The following OR4K2 variants were observed in gnomAD, a reference collection of about 807,000 sequenced individuals.
OR4K2 encodes olfactory receptor 4K2.
A neutral mutation model predicts 10.5 loss-of-function variants in OR4K2; 8 were observed. The ratio of observed to expected loss-of-function variants is 0.76; its 90% CI spans 0.45 to 1.37. OR4K2 has a LOEUF of 1.37. OR4K2 is among the 40% of genes most tolerant of loss of function. The pLI, the probability that OR4K2 is intolerant of heterozygous loss-of-function variation, is 0.00. For missense variants in OR4K2, 547 were observed against 379.5 expected (o/e 1.44, Z -3.67); for synonymous variants, 178 against 133.6 (o/e 1.33, Z -2.29).
Position 19,881,815 on chromosome 14 carries a change from G to C in OR4K2, c.*4603G>C, listed in dbSNP as rs1881042888. 1 of 151,702 alleles carries C rather than the reference G, an allele frequency of 6.6e-6. No individual in the cohort carries two copies. The highest frequency in any genetic ancestry group is 1.5e-5 in the Non-Finnish European group (1 of 67,942). 9.4% of individuals were successfully genotyped at this position (151,702 alleles called of 1,614,324 possible). On this transcript the variant is annotated 3_prime_UTR_variant, in exon 2 of 2. Coordinates refer to ENST00000641885, the MANE Select transcript of OR4K2 (RefSeq NM_001005501.2). ...CACCTGTTAAAGAAAATTTAAAGGAGAGATTTTTTTTTTTAGTTTGAGACT... is the reference window on the plus strand; with the variant it reads ...CACCTGTTAAAGAAAATTTAAAGGACAGATTTTTTTTTTTAGTTTGAGACT...
Position 19,876,667 on chromosome 14 carries a change from T to C in OR4K2, c.400T>C (p.Ser134Pro). Residue 134 changes from serine to proline, a missense_variant, in exon 2 of 2, where the codon TCT becomes CCT. By Grantham distance (74) the Ser-to-Pro change is moderately conservative. Coordinates refer to ENST00000641885, the MANE Select transcript of OR4K2 (RefSeq NM_001005501.2). ...IAICKPLHYA[S>P]VISPQVCVAL... ...AATATGCAAGCCCCTGCACTATGCT[T>C]CTGTCATTAGTCCCCAGGTGTGTGT... 1.2e-6 allele frequency: 2 copies of C among 1,614,196 alleles called. No homozygotes were observed. Among genetic ancestry groups the C allele is most frequent in the Non-Finnish European group, 1.7e-6 (2 of 1,180,014 alleles).
chr14:19,882,368 T>C lies in OR4K2; in HGVS notation c.*5156T>C, dbSNP rs1348932481. Reference sequence around the variant, plus strand: ...CAATTTGTAGATTTCAAGATTCTTATGCAACAGAAAACATGCTAATAGAGG... The same window carrying C: ...CAATTTGTAGATTTCAAGATTCTTACGCAACAGAAAACATGCTAATAGAGG... On this transcript the variant is annotated 3_prime_UTR_variant, in exon 2 of 2. Transcript: ENST00000641885. The C allele has an allele frequency of 6.6e-6, 1 of 152,242 alleles. No individual in the cohort carries two copies. Among genetic ancestry groups the C allele is most frequent in the African/African-American group, 2.4e-5 (1 of 41,424 alleles). 9.4% of individuals were successfully genotyped at this position (152,242 alleles called of 1,614,324 possible). A position where few individuals can be genotyped will look rare whatever the true frequency, so the allele number is the denominator to read the frequency against.
rs552092106 is a variant in OR4K2 at position 19,878,156 on chromosome 14, G to A, written c.*944G>A. 1.3e-4 allele frequency: 20 copies of A among 152,256 alleles called. No individual in the cohort carries two copies. The East Asian group carries it at 3.3e-3, about 25-fold the overall frequency. The allele number at this position is 152,256 out of a possible 1,614,324, so 9.4% of individuals were successfully genotyped here. A position where few individuals can be genotyped will look rare whatever the true frequency, so the allele number is the denominator to read the frequency against. ...ATAAGTATGTTTTTGTACACAAATA[G>A]GTTTTATTACTGTTATAAATAAATC... On this transcript the variant is annotated 3_prime_UTR_variant, in exon 2 of 2. Transcript: ENST00000641885.
In OR4K2 at chr14:19,882,182, A is replaced by T. The variant is rs1390362531; in HGVS notation, c.*4970A>T. Reference sequence around the variant, plus strand: ...TGGTGAATAGTCACTGGACACAGGTATGGCTGCCACAGTTGCTTTCCCTCA... The same window carrying T: ...TGGTGAATAGTCACTGGACACAGGTTTGGCTGCCACAGTTGCTTTCCCTCA... On this transcript the variant is annotated 3_prime_UTR_variant, in exon 2 of 2. Coordinates refer to ENST00000641885, the MANE Select transcript of OR4K2 (RefSeq NM_001005501.2). 6.6e-6 allele frequency: 1 copy of T among 152,390 alleles called. No individual in the cohort carries two copies. Among genetic ancestry groups the T allele is most frequent in the Non-Finnish European group, 1.5e-5 (1 of 68,166 alleles). The allele number at this position is 152,390 out of a possible 1,614,324, so 9.4% of individuals were successfully genotyped here.
rs1272633794 is a variant in OR4K2 at position 19,877,483 on chromosome 14, TGAG to T, written c.*275_*277del. ...TTTATTGGAAAAGAGGACCAAGGAATGAGGAGAAGAAATATAGATTAAAGCAGA... is the reference window on the plus strand; with the variant it reads ...TTTATTGGAAAAGAGGACCAAGGAATGAGAAGAAATATAGATTAAAGCAGA... On this transcript the variant is annotated 3_prime_UTR_variant, in exon 2 of 2. Coordinates refer to ENST00000641885, the MANE Select transcript of OR4K2 (RefSeq NM_001005501.2). 1 of 342,668 alleles carries T rather than the reference TGAG, an allele frequency of 2.9e-6. No homozygotes were observed. The highest frequency in any genetic ancestry group is 3.3e-5 in the South Asian group (1 of 29,934). 21.2% of individuals were successfully genotyped at this position (342,668 alleles called of 1,614,324 possible).
rs770744261 is a variant in OR4K2, at chr14:19,876,638, T to C, written c.371T>C (p.Ile124Thr). 5.0e-6 allele frequency: 8 copies of C among 1,614,082 alleles called. No homozygotes were observed. Among genetic ancestry groups the C allele is most frequent in the Non-Finnish European group, 6.8e-6 (8 of 1,180,008 alleles). Residue 124 changes from isoleucine to threonine, a missense_variant, in exon 2 of 2, where the codon ATT becomes ACT. Physicochemically the swap from Ile to Thr is moderately conservative, Grantham distance 89 (BLOSUM62 -1). Transcript: ENST00000641885. ...ATGGCCATGTCCTTTGATAGGTATA[T>C]TGCAATATGCAAGCCCCTGCACTAT... The part of the protein sequence containing the change: ...LLMAMSFDRY[I>T]AICKPLHYAS...
Position 19,875,347 on chromosome 14 carries a change from C to T in OR4K2, c.-811C>T, listed in dbSNP as rs534540126. The T allele has an allele frequency of 1.0e-3, 152 of 152,366 alleles. No individual in the cohort carries two copies. Among genetic ancestry groups the T allele is most frequent in the African/African-American group, 3.3e-3 (139 of 41,564 alleles). 9.4% of individuals were successfully genotyped at this position (152,366 alleles called of 1,614,324 possible). A position where few individuals can be genotyped will look rare whatever the true frequency, so the allele number is the denominator to read the frequency against. The stretch of plus-strand genomic sequence containing the variant: ...TGAAATATTTTAAATGTTTGCCCTT[C>T]CCACTCCCATTTCCTAATCCCTATT... On this transcript the variant is annotated 5_prime_UTR_variant, in exon 1 of 2. Transcript: ENST00000641885.
In OR4K2 at chr14:19,877,651, G is replaced by T. The variant is rs921998372; in HGVS notation, c.*439G>T. ...TAGGATCTTAGCCTCTGACAGAGAA[G>T]CAATGATTTTCCACATACGTTCCCA... is the stretch of plus-strand genomic sequence containing the variant. On this transcript the variant is annotated 3_prime_UTR_variant, in exon 2 of 2. Transcript: ENST00000641885. 19 of 155,602 alleles carry T rather than the reference G, an allele frequency of 1.2e-4. No individual in the cohort carries two copies. Among genetic ancestry groups the T allele is most frequent in the Admixed American group, 2.6e-4 (4 of 15,524 alleles). The allele number at this position is 155,602 out of a possible 1,614,324, so 9.6% of individuals were successfully genotyped here.
rs5807008 is a variant in OR4K2 at position 19,877,492 on chromosome 14, GA to G, written c.*283del. ...AAAGAGGACCAAGGAATGAGGAGAA[GA>G]AATATAGATTAAAGCAGAACTAGGA... is the stretch of plus-strand genomic sequence containing the variant. On this transcript the variant is annotated 3_prime_UTR_variant, in exon 2 of 2. Transcript: ENST00000641885. 3.1e-6 allele frequency: 1 copy of G among 327,064 alleles called. No individual in the cohort carries two copies. Among genetic ancestry groups the G allele is most frequent in the Non-Finnish European group, 5.7e-6 (1 of 174,436 alleles). 20.3% of individuals were successfully genotyped at this position (327,064 alleles called of 1,614,324 possible). A position where few individuals can be genotyped will look rare whatever the true frequency, so the allele number is the denominator to read the frequency against.
At position 19,876,033 on chromosome 14, in the gene OR4K2, C is replaced by CTAAATACCTGTGATCTA. The variant is rs1328992205; in HGVS notation, c.-125_-124insTAAATACCTGTGATCTA. ...GTATCAGAAAAGAAAGTGTTCTTTT[C>CTAAATACCTGTGATCTA]AATACCTATGATTTAAGGAACATTT... On this transcript the variant is annotated 5_prime_UTR_variant, in exon 1 of 2. It introduces an in-frame stop codon into an upstream open reading frame of the 5' UTR. Coordinates refer to ENST00000641885, the MANE Select transcript of OR4K2 (RefSeq NM_001005501.2). 4 of 483,546 alleles carry CTAAATACCTGTGATCTA rather than the reference C, an allele frequency of 8.3e-6. No homozygotes were observed. Among genetic ancestry groups the CTAAATACCTGTGATCTA allele is most frequent in the Non-Finnish European group, 1.5e-5 (4 of 275,628 alleles). The allele number at this position is 483,546 out of a possible 1,614,324, so 30.0% of individuals were successfully genotyped here.
rs1881032399 is a variant in OR4K2 at position 19,881,392 on chromosome 14, A to G, written c.*4180A>G. ...AATTATTCTGGAGCGTGTAGGACCA[A>G]CACTCAAATGAGACTGGAAATGTGA... On this transcript the variant is annotated 3_prime_UTR_variant, in exon 2 of 2. Transcript: ENST00000641885. 1 of 152,212 alleles carries G rather than the reference A, an allele frequency of 6.6e-6. No homozygotes were observed. The highest frequency in any genetic ancestry group is 2.4e-5 in the African/African-American group (1 of 41,450). The allele number at this position is 152,212 out of a possible 1,614,324, so 9.4% of individuals were successfully genotyped here. A position where few individuals can be genotyped will look rare whatever the true frequency, so the allele number is the denominator to read the frequency against.
rs1297753852 is a variant in OR4K2 at position 19,881,116 on chromosome 14, A to G, written c.*3904A>G. ...AAAATTTGTTGAGAGAGTTGGAGTA[A>G]TCCTCCTATTTCCCTATTCTTTCCC... On this transcript the variant is annotated 3_prime_UTR_variant, in exon 2 of 2. Coordinates refer to ENST00000641885, the MANE Select transcript of OR4K2 (RefSeq NM_001005501.2). The G allele has an allele frequency of 6.6e-6, 1 of 152,238 alleles. No individual in the cohort carries two copies. Among genetic ancestry groups the G allele is most frequent in the Non-Finnish European group, 1.5e-5 (1 of 68,032 alleles). 9.4% of individuals were successfully genotyped at this position (152,238 alleles called of 1,614,324 possible). A position where few individuals can be genotyped will look rare whatever the true frequency, so the allele number is the denominator to read the frequency against.
Position 19,876,237 on chromosome 14 carries a change from T to C in OR4K2, c.-23-8T>C. 1 of 861,190 alleles carries C rather than the reference T, an allele frequency of 1.2e-6. No individual in the cohort carries two copies. Among genetic ancestry groups the C allele is most frequent in the Non-Finnish European group, 1.7e-6 (1 of 592,274 alleles). 53.3% of individuals were successfully genotyped at this position (861,190 alleles called of 1,614,324 possible). ...TCCTTTTTTTTTTTTTTTTTTTTCG[T>C]GATACAGGCTTCTGCCTATGAATCA... On this transcript the variant is annotated splice_polypyrimidine_tract_variant and splice_region_variant and intron_variant, in intron 1 of 1. Transcript: ENST00000641885.
In OR4K2 at chr14:19,878,742, G is replaced by A. The variant is rs1219917819; in HGVS notation, c.*1530G>A. On this transcript the variant is annotated 3_prime_UTR_variant, in exon 2 of 2. Coordinates refer to ENST00000641885, the MANE Select transcript of OR4K2 (RefSeq NM_001005501.2). Reference sequence around the variant, plus strand: ...TTAACATAAAATAAAACATGCTTCTGTAAGCACAAGATTAGCATAATTCTA... The same window carrying A: ...TTAACATAAAATAAAACATGCTTCTATAAGCACAAGATTAGCATAATTCTA... 1 of 152,188 alleles carries A rather than the reference G, an allele frequency of 6.6e-6. No homozygotes were observed. Among genetic ancestry groups the A allele is most frequent in the African/African-American group, 2.4e-5 (1 of 41,456 alleles). 9.4% of individuals were successfully genotyped at this position (152,188 alleles called of 1,614,324 possible).
rs895680210 is a variant in OR4K2 at position 19,876,878 on chromosome 14, G to A, written c.611G>A (p.Gly204Asp). The change falls in exon 2 of 2, where the codon GGC becomes GAC. Residue 204 changes from glycine to aspartate, a missense_variant. By Grantham distance (94) the Gly-to-Asp change is moderately conservative (BLOSUM62 -1). Transcript: ENST00000641885. ...VLGLFMISTS[G>D]IIALSCFIVL... is the part of the protein sequence containing the mutation. ...GGCCTCTTTATGATCTCAACAAGTG[G>A]CATAATTGCGTTGTCCTGTTTTATT... The A allele has an allele frequency of 1.2e-6, 2 of 1,614,162 alleles. No homozygotes were observed. Among genetic ancestry groups the A allele is most frequent in the Middle Eastern group, 1.6e-4 (1 of 6,062 alleles).
rs1881080552 is a variant in OR4K2, at chr14:19,883,123, T to G, written c.*5911T>G. 1 of 152,332 alleles carries G rather than the reference T, an allele frequency of 6.6e-6. No individual in the cohort carries two copies. Among genetic ancestry groups the G allele is most frequent in the Non-Finnish European group, 1.5e-5 (1 of 68,092 alleles). The allele number at this position is 152,332 out of a possible 1,614,324, so 9.4% of individuals were successfully genotyped here. ...GCTCATGGTACAGTTCAACATGGAC[T>G]TCTGTCACTGCATTTTCTGCAAATT... On this transcript the variant is annotated 3_prime_UTR_variant, in exon 2 of 2. Transcript: ENST00000641885.
Position 19,881,950 on chromosome 14 carries a change from G to T in OR4K2, c.*4738G>T, listed in dbSNP as rs2873710. The stretch of plus-strand genomic sequence containing the variant: ...TTGGTTGTCCTACAGTTAAGAAAAC[G>T]GAAACCATTGGGTAAATTAAGCAGA... On this transcript the variant is annotated 3_prime_UTR_variant, in exon 2 of 2. Coordinates refer to ENST00000641885, the MANE Select transcript of OR4K2 (RefSeq NM_001005501.2). 6.6e-6 allele frequency: 1 copy of T among 151,922 alleles called. No homozygotes were observed. The highest frequency in any genetic ancestry group is 2.4e-5 in the African/African-American group (1 of 41,350). The allele number at this position is 151,922 out of a possible 1,614,324, so 9.4% of individuals were successfully genotyped here. A position where few individuals can be genotyped will look rare whatever the true frequency, so the allele number is the denominator to read the frequency against.
chr14:19,876,962 G>A lies in OR4K2; in HGVS notation c.695G>A (p.Gly232Glu). ...ACTGTGAAGCATCATTCTTCCAGAG[G>A]ATCATCTAAGGCCCTTTCTACTTGT... Reference protein sequence around the residue: ...LVTVKHHSSRGSSKALSTCTA... With the variant: ...LVTVKHHSSRESSKALSTCTA... The change falls in exon 2 of 2, where the codon GGA (glycine) becomes GAA (glutamate). Residue 232 changes from glycine (G) to glutamate (E), a missense_variant. By Grantham distance (98) the Gly-to-Glu change is moderately conservative (BLOSUM62 -2). Coordinates refer to ENST00000641885, the MANE Select transcript of OR4K2 (RefSeq NM_001005501.2). 1 of 1,613,992 alleles carries A rather than the reference G, an allele frequency of 6.2e-7. No individual in the cohort carries two copies. The highest frequency in any genetic ancestry group is 8.5e-7 in the Non-Finnish European group (1 of 1,179,958).
In OR4K2 at chr14:19,877,566, G is replaced by C. The variant is rs1179906787; in HGVS notation, c.*354G>C. The C allele has an allele frequency of 1.4e-5, 3 of 210,016 alleles. No homozygotes were observed. Among genetic ancestry groups the C allele is most frequent in the Non-Finnish European group, 9.6e-6 (1 of 103,682 alleles). The allele number at this position is 210,016 out of a possible 1,614,324, so 13.0% of individuals were successfully genotyped here. A position where few individuals can be genotyped will look rare whatever the true frequency, so the allele number is the denominator to read the frequency against. On this transcript the variant is annotated 3_prime_UTR_variant, in exon 2 of 2. Coordinates refer to ENST00000641885, the MANE Select transcript of OR4K2 (RefSeq NM_001005501.2). ...GAGCAACTGAGTCACTTAGTGAGAT[G>C]CTCCTAAAGTATGACAAGCTAGCAA...
Sources: gnomAD v4.1 joint callset for allele counts on GRCh38, gnomAD v4.1.1 for gene constraint, MANE v1.5 for transcripts, NCBI Gene and HGNC (gene_info 2026-07-23, HGNC 2026-07-21) for gene names.